The following ARHGEF28 variants were observed in gnomAD, a reference collection of about 807,000 sequenced individuals.
ARHGEF28 encodes the protein Rho guanine nucleotide exchange factor 28.
ARHGEF28 carries 152 observed loss-of-function variants against 206.6 expected under a neutral mutation model. The ratio of observed to expected loss-of-function variants is 0.74; its 90% CI spans 0.64 to 0.84. The LOEUF (loss-of-function observed/expected upper bound fraction) is 0.84. Among genes scored for constraint, ARHGEF28 ranks in the 40% least tolerant of loss-of-function variants. The probability of loss-of-function intolerance (pLI) is 0.00; values close to 1 mark genes in which losing one functional copy is unlikely to be tolerated. For synonymous variants in ARHGEF28, 763 were observed against 776.4 expected (o/e 0.98, Z 0.29); for missense variants, 2,028 against 2,073.2 (o/e 0.98, Z 0.42).
At chr5:73,906,569 A>G (rs147331154) in intron 33 of ARHGEF28, among the ~76,000 whole-genome samples, 5 of 152,360 alleles carry the variant, frequency 3.3e-5, no homozygotes, top group Middle Eastern at 3.4e-3. Context: ...AACATCATTA[A>G]GTTAAAATTT....
At chr5:73,737,768 C>T (rs545684686) in intron 2 of ARHGEF28, among the ~76,000 whole-genome samples, 13 of 152,150 alleles carry the variant, frequency 8.5e-5, no homozygotes, top group South Asian at 6.2e-4. Context: ...CCGCCTGCCT[C>T]GGACTCTCAA....
rs187047652 is a variant in ARHGEF28, at chr5:73,731,081, T to A, written c.34-18756T>A. ...TTCTTGATGTTCTCTGTGACAAGAA[T>A]AATCCATTTTTAGTAACTGTGCTCA... On this transcript the variant is annotated intron_variant, in intron 2 of 35. Transcript: ENST00000513042. Among the ~76,000 whole-genome samples, 609 of 152,034 alleles carry A rather than the reference T, an allele frequency of 4.0e-3. 5 individuals carry two copies. The highest frequency in any genetic ancestry group is 0.014 in the African/African-American group (580 of 41,470).
At chr5:73,858,870 G>A (rs141725578) in intron 16 of ARHGEF28, among the ~76,000 whole-genome samples, 592 of 152,290 alleles carry the variant, frequency 3.9e-3, no homozygotes, top group Admixed American at 6.5e-3. Flanking sequence ...TACAATGACA[G>A]CAAGTTCCCA....
chr5:73,730,636 G>A (rs777012556), intron 2 of ARHGEF28, among the ~76,000 whole-genome samples: 1 of 151,328 alleles, frequency 6.6e-6, no homozygotes, highest in Non-Finnish European at 1.5e-5. Flanking sequence ...CTGGGCTCAG[G>A]TGATCCTCCT....
chr5:73,643,387 G>A lies in ARHGEF28; in HGVS notation c.-12+17065G>A, dbSNP rs145945217. Among the ~76,000 whole-genome samples the A allele has an allele frequency of 9.6e-3, 1,467 of 152,198 alleles. 29 individuals are homozygous for A. Among genetic ancestry groups the A allele is most frequent in the African/African-American group, 0.033 (1,378 of 41,534 alleles). ...TTCTAAAAACTGAAAAATGAATGAA[G>A]AAAAGAAAACATTACATAACTAGTG... On this transcript the variant is annotated intron_variant, in intron 1 of 35. Coordinates refer to ENST00000513042, the MANE Select transcript of ARHGEF28 (RefSeq NM_001177693.2).
chr5:73,884,684 C>T (rs1761150593), intron 24 of ARHGEF28, among the ~76,000 whole-genome samples: 1 of 152,142 alleles, frequency 6.6e-6, no homozygotes, highest in Non-Finnish European at 1.5e-5. Context: ...ATTAACTGAG[C>T]CTCAGTTATC....
At chr5:73,818,579 T>A (rs1756377400) in intron 9 of ARHGEF28, among the ~76,000 whole-genome samples, 2 of 152,188 alleles carry the variant, frequency 1.3e-5, no homozygotes. Flanking sequence ...AAGATTTCTT[T>A]GGCTCTCAAT....
At chr5:73,635,717 C>T (rs185751997) in intron 1 of ARHGEF28, among the ~76,000 whole-genome samples, 2 of 152,244 alleles carry the variant, frequency 1.3e-5, no homozygotes, top group African/African-American at 4.8e-5. Flanking sequence ...TTGTCTTTCA[C>T]GGAGTTGTCA....
rs571265796 is a variant in ARHGEF28 at position 73,914,391 on chromosome 5, C to CTTT, written c.4948+2837_4948+2839dup. Reference sequence around the variant, plus strand: ...TCATTACACTATACATTCTGAATTGCTTTTTTTTTTTTTTTTTTTTTTTGA... The same window carrying CTTT: ...TCATTACACTATACATTCTGAATTGCTTTTTTTTTTTTTTTTTTTTTTTTTTGA... On this transcript the variant is annotated intron_variant, in intron 35 of 35. Coordinates refer to ENST00000513042, the MANE Select transcript of ARHGEF28 (RefSeq NM_001177693.2). Among the ~76,000 whole-genome samples, 205 of 102,934 alleles carry CTTT rather than the reference C, an allele frequency of 2.0e-3. 1 individual carries two copies. Among genetic ancestry groups the CTTT allele is most frequent in the East Asian group, 3.3e-3 (11 of 3,292 alleles). The allele number at this position is 102,934 out of a possible 152,430, so 67.5% of individuals were successfully genotyped here. A position where few individuals can be genotyped will look rare whatever the true frequency, so the allele number is the denominator to read the frequency against.
At chr5:73,696,093 A>G (rs977031707) in intron 2 of ARHGEF28, among the ~76,000 whole-genome samples, 2 of 152,156 alleles carry the variant, frequency 1.3e-5, no homozygotes, top group Admixed American at 6.5e-5. Context: ...TGCAATACCT[A>G]GTGCAGTGCC....
At chr5:73,761,552 G>T (rs1049303143) in intron 4 of ARHGEF28, among the ~76,000 whole-genome samples, 1 of 152,128 alleles carries the variant, frequency 6.6e-6, no homozygotes, top group Non-Finnish European at 1.5e-5. Flanking sequence ...GCCCAGTGTT[G>T]TTTAAGAGGC....
chr5:73,637,888 G>A (rs984954676), intron 1 of ARHGEF28, among the ~76,000 whole-genome samples: 2 of 152,088 alleles, frequency 1.3e-5, no homozygotes, highest in Non-Finnish European at 2.9e-5. Context: ...CAATTTTCTG[G>A]GAGCCGTACC....
At chr5:73,862,518 G>A (rs1708487025) in intron 16 of ARHGEF28, among the ~76,000 whole-genome samples, 1 of 151,946 alleles carries the variant, frequency 6.6e-6, no homozygotes, top group African/African-American at 2.4e-5. Context: ...TTTCCTTGAT[G>A]TCTAGTTTAG....
intron 24 of ARHGEF28, among the ~76,000 whole-genome samples, chr5:73,884,861 T>C (rs1214447161): frequency 1.3e-5 from 2 of 152,212 alleles, no homozygotes; most frequent in East Asian, 3.8e-4. Context: ...TTTTAAAGAA[T>C]AACAACTGAA....
chr5:73,681,670 C>T (rs1445358417), intron 1 of ARHGEF28, among the ~76,000 whole-genome samples: 2 of 151,866 alleles, frequency 1.3e-5, no homozygotes, highest in African/African-American at 4.8e-5. Flanking sequence ...CAAAAATTAG[C>T]TGGGCATGGT....
chr5:73,759,979 T>A (rs1296658204), intron 4 of ARHGEF28, among the ~76,000 whole-genome samples: 1 of 152,226 alleles, frequency 6.6e-6, no homozygotes, highest in African/African-American at 2.4e-5. Context: ...ATGTTTGAAA[T>A]GGAGCGTGGC....
chr5:73,835,073 C>A (rs1446872407), intron 10 of ARHGEF28: 1 of 152,114 alleles, frequency 6.6e-6, no homozygotes, highest in African/African-American at 2.4e-5. Flanking sequence ...ATTTTCAGCT[C>A]CACCTACCAG....
intron 7 of ARHGEF28, among the ~76,000 whole-genome samples, chr5:73,789,764 C>G (rs1754360864): frequency 6.6e-6 from 1 of 152,046 alleles, no homozygotes; most frequent in African/African-American, 2.4e-5. Flanking sequence ...GCAAGTCCCC[C>G]AGGAGCCTTG....
intron 16 of ARHGEF28, among the ~76,000 whole-genome samples, 192 bp from the exon 17 acceptor site, chr5:73,864,625 T>C (rs922513983): frequency 1.3e-5 from 2 of 152,254 alleles, no homozygotes; most frequent in African/African-American, 4.8e-5. Flanking sequence ...ATTAAAATAA[T>C]AGCATTCTGC....
Sources: gnomAD v4.1 joint callset for allele counts (sites outside exome capture counted in the v4.1 genomes callset) on GRCh38, gnomAD v4.1.1 for gene constraint, MANE v1.5 for transcripts, NCBI Gene and HGNC (gene_info 2026-07-23, HGNC 2026-07-21) for gene names.